DOK6: variants seen among roughly 807,000 people sequenced by gnomAD.
DOK6 encodes downstream of tyrosine kinase 6.
In DOK6, 22 loss-of-function variants were observed where a neutral mutation model predicts 44.0. The observed-to-expected ratio is 0.50, with a 90% CI of 0.36 to 0.71. The LOEUF is 0.71. Ranked by LOEUF, DOK6 falls within the 30% of genes least tolerant of loss-of-function variation. The pLI is 0.00. For synonymous variants in DOK6, 166 were observed against 145.5 expected (o/e 1.14, Z -1.01); for missense variants, 340 against 416.4 (o/e 0.82, Z 1.60).
intron 1 of DOK6, among the ~76,000 whole-genome samples, chr18:69,448,143 A>T (rs1979349872): frequency 6.6e-6 from 1 of 152,202 alleles, no homozygotes; most frequent in Non-Finnish European, 1.5e-5. Flanking sequence ...GTAGGCAGAC[A>T]ACTTAAAATG....
At chr18:69,779,556 T>G (rs1391078359) in intron 7 of DOK6, among the ~76,000 whole-genome samples, 1 of 152,138 alleles carries the variant, frequency 6.6e-6, no homozygotes, top group Non-Finnish European at 1.5e-5. Flanking sequence ...TGTTGACTTG[T>G]AATAGAAATT....
At chr18:69,737,648 T>C (rs547262058) in intron 5 of DOK6, among the ~76,000 whole-genome samples, 18 of 152,318 alleles carry the variant, frequency 1.2e-4, no homozygotes, top group Non-Finnish European at 2.5e-4. Context: ...CTTTGCTTTT[T>C]ATGCTGTTTT....
rs185909433 is a variant in DOK6 at position 69,634,521 on chromosome 18, A to G, written c.289+35023A>G. On this transcript the variant is annotated intron_variant, in intron 3 of 7. Coordinates refer to ENST00000382713, the MANE Select transcript of DOK6 (RefSeq NM_152721.6). ...TTCACAAGCCAAACAAGTGAATTAG[A>G]TAAGATGATCTTTAATACTCATTTC... Among the ~76,000 whole-genome samples, 286 of 152,364 alleles carry G rather than the reference A, an allele frequency of 1.9e-3. 1 individual carries two copies. Among genetic ancestry groups the G allele is most frequent in the Admixed American group, 4.2e-3 (64 of 15,308 alleles).
chr18:69,421,967 A>C (rs1053039003), intron 1 of DOK6, among the ~76,000 whole-genome samples: 1 of 152,198 alleles, frequency 6.6e-6, no homozygotes, highest in Admixed American at 6.5e-5. Context: ...AAACAAAAAC[A>C]ACTTCCAGTT....
At chr18:69,713,483 CA>C (rs1475760008) in intron 5 of DOK6, among the ~76,000 whole-genome samples, 1 of 152,160 alleles carries the variant, frequency 6.6e-6, no homozygotes, top group African/African-American at 2.4e-5. Flanking sequence ...TCTCTTAACA[CA>C]AATATACTTA....
At chr18:69,536,303 G>A (rs1187732771) in intron 1 of DOK6, among the ~76,000 whole-genome samples, 5 of 152,150 alleles carry the variant, frequency 3.3e-5, no homozygotes, top group Non-Finnish European at 7.4e-5. Flanking sequence ...GTAATATTCA[G>A]ATAATTTACT....
At chr18:69,670,066 AT>A (rs1401278178) in intron 3 of DOK6, among the ~76,000 whole-genome samples, 1 of 152,098 alleles carries the variant, frequency 6.6e-6, no homozygotes, top group African/African-American at 2.4e-5. Context: ...TATCAATTTG[AT>A]TTTTTTGAAC....
intron 1 of DOK6, among the ~76,000 whole-genome samples, chr18:69,454,848 G>T (rs1282215737): frequency 6.9e-6 from 1 of 143,978 alleles, no homozygotes; most frequent in East Asian, 2.1e-4. Flanking sequence ...TCATAGGTGG[G>T]AATTGAACAA....
At chr18:69,667,329 T>C (rs1010406097) in intron 3 of DOK6, among the ~76,000 whole-genome samples, 2 of 152,230 alleles carry the variant, frequency 1.3e-5, no homozygotes, top group African/African-American at 4.8e-5. Context: ...AAATAACTTC[T>C]AGATTGAGTT....
intron 1 of DOK6, among the ~76,000 whole-genome samples, chr18:69,525,471 G>T (rs1353405469): frequency 6.6e-6 from 1 of 151,986 alleles, no homozygotes; most frequent in African/African-American, 2.4e-5. Context: ...ATAGAGAAAT[G>T]ATTCAATGAT....
intron 4 of DOK6, among the ~76,000 whole-genome samples, chr18:69,687,048 A>G (rs2144693145): frequency 6.6e-6 from 1 of 152,340 alleles, no homozygotes; most frequent in East Asian, 1.9e-4. Flanking sequence ...AGGAAATATC[A>G]TTTCACAACT....
At chr18:69,442,294 A>C (rs1260713714) in intron 1 of DOK6, among the ~76,000 whole-genome samples, 1 of 152,156 alleles carries the variant, frequency 6.6e-6, no homozygotes, top group East Asian at 1.9e-4. Flanking sequence ...CGCTGCTATA[A>C]GGACATACCC....
chr18:69,529,103 G>A (rs576280168), intron 1 of DOK6, among the ~76,000 whole-genome samples: 4 of 152,228 alleles, frequency 2.6e-5, no homozygotes, highest in East Asian at 1.9e-4. Flanking sequence ...GTGTGCACAC[G>A]ACTGTCCTCC....
chr18:69,558,893 T>C (rs1218614561), intron 1 of DOK6, among the ~76,000 whole-genome samples: 1 of 152,136 alleles, frequency 6.6e-6, no homozygotes, highest in Non-Finnish European at 1.5e-5. Flanking sequence ...GTACCATTGT[T>C]ATATAGGATG....
chr18:69,678,677 T>G (rs1985978893), intron 4 of DOK6, among the ~76,000 whole-genome samples: 1 of 152,204 alleles, frequency 6.6e-6, no homozygotes, highest in Non-Finnish European at 1.5e-5. Context: ...TGCATGTTCT[T>G]GACTAGCAAC....
chr18:69,551,437 A>T (rs1982563416), intron 1 of DOK6, among the ~76,000 whole-genome samples: 1 of 152,214 alleles, frequency 6.6e-6, no homozygotes, highest in Non-Finnish European at 1.5e-5. Context: ...ACTACCTTTT[A>T]TTCAATAAAT....
intron 1 of DOK6, 115 bp from the exon 2 acceptor site, chr18:69,564,372 A>G (rs535540196): frequency 4.8e-5 from 36 of 745,072 alleles, no homozygotes; most frequent in Non-Finnish European, 7.2e-5. Context: ...ATGTTTGTCA[A>G]TCAAAAACAG....
intron 7 of DOK6, among the ~76,000 whole-genome samples, chr18:69,826,335 T>C (rs1293891658): frequency 6.6e-6 from 1 of 152,206 alleles, no homozygotes; most frequent in Non-Finnish European, 1.5e-5. Context: ...GACCAGAATA[T>C]TGTAAAGTAG....
chr18:69,520,924 C>G (rs1981667350), intron 1 of DOK6, among the ~76,000 whole-genome samples: 2 of 151,740 alleles, frequency 1.3e-5, no homozygotes, highest in Non-Finnish European at 2.9e-5. Context: ...AAAAGAGAGG[C>G]CTCTTAATTC....
Sources: gnomAD v4.1 joint callset for allele counts (sites outside exome capture counted in the v4.1 genomes callset) on GRCh38, gnomAD v4.1.1 for gene constraint, MANE v1.5 for transcripts, NCBI Gene and HGNC (gene_info 2026-07-23, HGNC 2026-07-21) for gene names.